MPHOSPH10: variants seen among roughly 807,000 people sequenced by gnomAD.
MPHOSPH10 encodes the protein U3 small nucleolar ribonucleoprotein MPP10.
Under a neutral mutation model 77.3 loss-of-function variants are expected in MPHOSPH10, and 33 were observed. The ratio of observed to expected loss-of-function variants is 0.43; its 90% CI spans 0.32 to 0.57. The LOEUF is 0.57. Ranked by LOEUF, MPHOSPH10 falls within the 20% of genes least tolerant of loss-of-function variation. The pLI, the probability that MPHOSPH10 is intolerant of heterozygous loss-of-function variation, is 0.07. For synonymous variants in MPHOSPH10, 245 were observed against 268.0 expected (o/e 0.91, Z 0.84); for missense variants, 708 against 780.1 (o/e 0.91, Z 1.10).
chr2:71,133,383 G>T lies in MPHOSPH10; in HGVS notation c.575G>T (p.Gly192Val), dbSNP rs1673424445. 28 of 1,614,080 alleles carry T rather than the reference G, an allele frequency of 1.7e-5. No homozygotes were observed. Among genetic ancestry groups the T allele is most frequent in the Non-Finnish European group, 2.4e-5 (28 of 1,180,010 alleles). Reference protein sequence around the residue: ...QQSKVQNKGQGKPREKSIVDD... With the variant: ...QQSKVQNKGQVKPREKSIVDD... Reference sequence around the variant, plus strand: ...AGCAAGGTGCAAAACAAAGGACAGGGAAAACCAAGAGAAAAGTCCATAGTA... The same window carrying T: ...AGCAAGGTGCAAAACAAAGGACAGGTAAAACCAAGAGAAAAGTCCATAGTA... The change falls in exon 2 of 11, where the codon GGA becomes GTA. Residue 192 changes from glycine to valine, a missense_variant. This residue lies in a region of MPHOSPH10 where 433 missense variants were observed against 432.6 expected (regional missense o/e 1.00). Transcript: ENST00000244230.
intron 6 of MPHOSPH10, 75 bp downstream of exon 6, chr2:71,139,937 G>A (rs1673579507): frequency 9.8e-7 from 1 of 1,023,174 alleles, no homozygotes; most frequent in South Asian, 1.4e-5. Context: ...TACTTTGAGA[G>A]TAGGACTATT....
intron 8 of MPHOSPH10, among the ~76,000 whole-genome samples, chr2:71,146,534 C>T (rs1220073630): frequency 6.6e-6 from 1 of 152,056 alleles, no homozygotes; most frequent in Non-Finnish European, 1.5e-5. Flanking sequence ...GACGGGGTTT[C>T]ACCATGTTAG....
At chr2:71,134,247 C>G in intron 3 of MPHOSPH10, 142 bp downstream of exon 3, 4 of 852,680 alleles carry the variant, frequency 4.7e-6, no homozygotes, top group South Asian at 5.0e-5. Context: ...AGGAAAGTCT[C>G]TGACTGTAAA....
intron 7 of MPHOSPH10, among the ~76,000 whole-genome samples, chr2:71,143,259 A>G (rs1673644325): frequency 6.6e-6 from 1 of 151,082 alleles, no homozygotes; most frequent in South Asian, 2.1e-4. Flanking sequence ...CCCCTGCCTC[A>G]GCCTCCTGAG....
chr2:71,138,921 C>A (rs1342586881), intron 5 of MPHOSPH10: 1 of 590,994 alleles, frequency 1.7e-6, no homozygotes, highest in Non-Finnish European at 3.0e-6. Context: ...AGAATCCCAT[C>A]TACTCGGAAG....
chr2:71,146,288 A>C (rs959909241), intron 8 of MPHOSPH10, among the ~76,000 whole-genome samples: 1 of 149,812 alleles, frequency 6.7e-6, no homozygotes, highest in African/African-American at 2.5e-5. Flanking sequence ...ATTTCACACC[A>C]TCTCTGTAGA....
intron 9 of MPHOSPH10, chr2:71,148,899 C>T (rs992243901): frequency 1.2e-5 from 4 of 325,808 alleles, no homozygotes; most frequent in Non-Finnish European, 1.7e-5. Context: ...CCCTGAAGCC[C>T]ATTGGAATCT....
intron 3 of MPHOSPH10, among the ~76,000 whole-genome samples, 173 bp downstream of exon 3, chr2:71,134,278 A>T (rs1332660487): frequency 6.6e-6 from 1 of 152,242 alleles, no homozygotes; most frequent in African/African-American, 2.4e-5. Flanking sequence ...AGATCACTTA[A>T]TGAAGAAAAA....
At chr2:71,134,946 C>G (rs1048394809) in intron 4 of MPHOSPH10, 149 bp downstream of exon 4, 5 of 637,574 alleles carry the variant, frequency 7.8e-6, no homozygotes, top group African/African-American at 1.9e-5. Context: ...GCAAGAGGAT[C>G]GCTTGAGCTC....
At chr2:71,138,683 A>C in intron 5 of MPHOSPH10, 52 bp downstream of exon 5, 1 of 1,609,858 alleles carries the variant, frequency 6.2e-7, no homozygotes, top group Non-Finnish European at 8.5e-7. Flanking sequence ...CCATGGTTCC[A>C]TTTCATACAA....
chr2:71,146,746 G>A (rs1461191936), intron 8 of MPHOSPH10, among the ~76,000 whole-genome samples: 1 of 152,168 alleles, frequency 6.6e-6, no homozygotes, highest in African/African-American at 2.4e-5. Flanking sequence ...TGGAAGAAAT[G>A]ATTTCTTTCA....
At chr2:71,135,699 T>C (rs1168811525) in intron 4 of MPHOSPH10, among the ~76,000 whole-genome samples, 1 of 148,600 alleles carries the variant, frequency 6.7e-6, no homozygotes, top group African/African-American at 2.5e-5. Context: ...TCTTTTTCTT[T>C]TTCTTTTTTT....
intron 10 of MPHOSPH10, 25 bp from the exon 11 acceptor site, chr2:71,149,841 A>C: frequency 1.3e-6 from 2 of 1,511,606 alleles, no homozygotes; most frequent in Non-Finnish European, 1.8e-6. Flanking sequence ...TTTACAGCAT[A>C]AGCATGTGGT....
chr2:71,145,665 T>A (rs1219908361), intron 8 of MPHOSPH10, among the ~76,000 whole-genome samples: 3 of 152,190 alleles, frequency 2.0e-5, no homozygotes, highest in Non-Finnish European at 4.4e-5. Flanking sequence ...TCAACTCCTC[T>A]TGTCCAGCAG....
chr2:71,143,168 A>C (rs1427949458), intron 7 of MPHOSPH10, among the ~76,000 whole-genome samples: 2 of 146,506 alleles, frequency 1.4e-5, no homozygotes, highest in African/African-American at 5.1e-5. Context: ...TTTGAGACGG[A>C]GTCTTGCTCG....
chr2:71,147,377 T>C (rs1673735705), intron 8 of MPHOSPH10, among the ~76,000 whole-genome samples: 1 of 152,032 alleles, frequency 6.6e-6, no homozygotes, highest in Admixed American at 6.6e-5. Flanking sequence ...AAATGTTATG[T>C]AAAAATGTAG....
chr2:71,145,580 G>A (rs1218548080), intron 8 of MPHOSPH10, among the ~76,000 whole-genome samples: 1 of 151,768 alleles, frequency 6.6e-6, no homozygotes, highest in Non-Finnish European at 1.5e-5. Flanking sequence ...TTGATGGCAG[G>A]AACCATCTTT....
At chr2:71,133,621 C>T in intron 2 of MPHOSPH10, 45 bp downstream of exon 2, 1 of 1,485,514 alleles carries the variant, frequency 6.7e-7, no homozygotes, top group Non-Finnish European at 9.0e-7. Flanking sequence ...CTCAAATTAG[C>T]TTTTCTTCTG....
intron 1 of MPHOSPH10, among the ~76,000 whole-genome samples, chr2:71,132,324 A>G (rs896694737): frequency 3.9e-5 from 6 of 152,084 alleles, no homozygotes; most frequent in Non-Finnish European, 8.8e-5. Flanking sequence ...CTCCTGAACC[A>G]TGCATAATTT....
Sources: allele counts gnomAD v4.1 joint callset (sites outside exome capture counted in the v4.1 genomes callset), GRCh38; gene constraint gnomAD v4.1.1; regional missense constraint gnomAD v4.1.1; transcripts MANE v1.5; gene names NCBI Gene and HGNC (gene_info 2026-07-23, HGNC 2026-07-21).